CFAP299: variants seen among roughly 807,000 people sequenced by gnomAD.
CFAP299 encodes the protein cilia- and flagella-associated protein 299.
A neutral mutation model predicts 27.0 loss-of-function variants in CFAP299; 21 were observed. The ratio of observed to expected loss-of-function variants is 0.78; its 90% CI spans 0.55 to 1.12. The LOEUF is 1.12. Ranked by LOEUF, CFAP299 falls within the 50% of genes most tolerant of loss-of-function variation. The pLI, the probability that CFAP299 is intolerant of heterozygous loss-of-function variation, is 0.00. For missense variants in CFAP299, 310 were observed against 276.6 expected (o/e 1.12, Z -0.86); for synonymous variants, 104 against 98.1 (o/e 1.06, Z -0.36).
At chr4:80,665,440 T>C (rs1205227660) in intron 3 of CFAP299, among the ~76,000 whole-genome samples, 1 of 152,212 alleles carries the variant, frequency 6.6e-6, no homozygotes, top group Non-Finnish European at 1.5e-5. Flanking sequence ...TAACTTTTCA[T>C]TAGTTTTCAC....
chr4:80,874,305 G>T (rs551398610), intron 4 of CFAP299, among the ~76,000 whole-genome samples: 2 of 152,268 alleles, frequency 1.3e-5, no homozygotes, highest in Admixed American at 1.3e-4. Context: ...ACTAACTAAA[G>T]GAGACTTGCC....
At chr4:80,801,647 G>A (rs977372690) in intron 3 of CFAP299, among the ~76,000 whole-genome samples, 2 of 151,992 alleles carry the variant, frequency 1.3e-5, no homozygotes, top group South Asian at 2.1e-4. Flanking sequence ...TGAGTCAATC[G>A]TATTCCACTT....
At chr4:80,552,947 T>G (rs1336568198) in intron 2 of CFAP299, among the ~76,000 whole-genome samples, 2 of 152,110 alleles carry the variant, frequency 1.3e-5, no homozygotes, top group African/African-American at 4.8e-5. Flanking sequence ...CTTGGCCTCC[T>G]TAAGTGCTGA....
intron 3 of CFAP299, among the ~76,000 whole-genome samples, chr4:80,860,629 CA>C (rs1403624730): frequency 4.6e-5 from 7 of 152,200 alleles, no homozygotes; most frequent in Non-Finnish European, 7.3e-5. Flanking sequence ...TTCTAACAGA[CA>C]GAACCTTCAG....
At chr4:80,365,274 A>G (rs1723770639) in intron 2 of CFAP299, among the ~76,000 whole-genome samples, 2 of 152,150 alleles carry the variant, frequency 1.3e-5, no homozygotes, top group African/African-American at 4.8e-5. Context: ...TTGACTTTTT[A>G]ATAATCACCA....
chr4:80,457,383 T>C (rs145108012), intron 2 of CFAP299, among the ~76,000 whole-genome samples: 5 of 152,262 alleles, frequency 3.3e-5, no homozygotes, highest in African/African-American at 1.2e-4. Flanking sequence ...TATCATGTTA[T>C]GTTATGGAGG....
In CFAP299 at chr4:80,956,825, A is replaced by G. The variant is rs573115061; in HGVS notation, c.607-6692A>G. On this transcript the variant is annotated intron_variant, in intron 5 of 5. Coordinates refer to ENST00000358105, the MANE Select transcript of CFAP299 (RefSeq NM_152770.3). ...AATGGGAATTTTAAAATAAATTTTT[A>G]AAGTATTCTATGTGTAGAGGGTAGA... is the stretch of plus-strand genomic sequence containing the variant. Among the ~76,000 whole-genome samples, 73 of 152,246 alleles carry G rather than the reference A, an allele frequency of 4.8e-4. 1 individual carries two copies. The highest frequency in any genetic ancestry group is 3.4e-3 in the Middle Eastern group (1 of 294).
At chr4:80,645,069 T>C (rs1739932629) in intron 3 of CFAP299, among the ~76,000 whole-genome samples, 1 of 152,118 alleles carries the variant, frequency 6.6e-6, no homozygotes, top group African/African-American at 2.4e-5. Flanking sequence ...TCAGAGTACC[T>C]TACTTTAAGG....
At chr4:80,637,925 T>C (rs1739530394) in intron 3 of CFAP299, among the ~76,000 whole-genome samples, 1 of 152,218 alleles carries the variant, frequency 6.6e-6, no homozygotes, top group South Asian at 2.1e-4. Flanking sequence ...AAGTTGACTA[T>C]CCTAAAATAT....
intron 1 of CFAP299, among the ~76,000 whole-genome samples, chr4:80,343,665 T>A (rs980310420): frequency 6.6e-6 from 1 of 151,582 alleles, no homozygotes; most frequent in African/African-American, 2.4e-5. Flanking sequence ...GGCGGGCGCC[T>A]GTAGTCCCAG....
At chr4:80,559,361 C>A (rs959714021) in intron 2 of CFAP299, among the ~76,000 whole-genome samples, 6 of 151,340 alleles carry the variant, frequency 4.0e-5, no homozygotes, top group African/African-American at 1.5e-4. Context: ...GATTGTACTT[C>A]TTGATGCAGG....
intron 1 of CFAP299, among the ~76,000 whole-genome samples, chr4:80,350,465 C>G (rs1722960807): frequency 6.6e-6 from 1 of 152,154 alleles, no homozygotes; most frequent in Non-Finnish European, 1.5e-5. Context: ...AATCATTCTA[C>G]TATAAAGACA....
At chr4:80,767,423 C>T (rs911421418) in intron 3 of CFAP299, among the ~76,000 whole-genome samples, 6 of 152,034 alleles carry the variant, frequency 3.9e-5, no homozygotes, top group Non-Finnish European at 7.4e-5. Context: ...TCCTGGCTAA[C>T]ATGGTGAAAC....
intron 2 of CFAP299, among the ~76,000 whole-genome samples, chr4:80,569,183 T>C (rs1578612412): frequency 1.3e-5 from 2 of 152,204 alleles, no homozygotes; most frequent in Admixed American, 6.6e-5. Flanking sequence ...TCCATTATAC[T>C]CTCTCCCCTT....
At chr4:80,410,709 T>C (rs1189324262) in intron 2 of CFAP299, among the ~76,000 whole-genome samples, 1 of 152,234 alleles carries the variant, frequency 6.6e-6, no homozygotes, top group Non-Finnish European at 1.5e-5. Context: ...AAGCATTGCA[T>C]TAATTATCTC....
chr4:80,552,106 C>T (rs925417758), intron 2 of CFAP299, among the ~76,000 whole-genome samples: 1 of 152,042 alleles, frequency 6.6e-6, no homozygotes, highest in Non-Finnish European at 1.5e-5. Flanking sequence ...GCATTCTATG[C>T]CTTTGAATTA....
chr4:80,674,521 A>T (rs1719277255), intron 3 of CFAP299, among the ~76,000 whole-genome samples: 1 of 151,802 alleles, frequency 6.6e-6, no homozygotes, highest in African/African-American at 2.4e-5. Context: ...CTTCTCGAGG[A>T]GTATCTTTGT....
intron 4 of CFAP299, among the ~76,000 whole-genome samples, chr4:80,916,840 T>G (rs1050759121): frequency 2.0e-5 from 3 of 152,054 alleles, no homozygotes; most frequent in African/African-American, 7.2e-5. Context: ...GAAATGGTGA[T>G]ATATACAGGG....
chr4:80,376,502 A>G (rs971004623), intron 2 of CFAP299, among the ~76,000 whole-genome samples: 2 of 152,158 alleles, frequency 1.3e-5, no homozygotes, highest in Admixed American at 6.5e-5. Flanking sequence ...TTGTTTGCAA[A>G]GTGTCTGTAT....
Sources: gnomAD v4.1 joint callset for allele counts (sites outside exome capture counted in the v4.1 genomes callset) on GRCh38, gnomAD v4.1.1 for gene constraint, MANE v1.5 for transcripts, NCBI Gene and HGNC (gene_info 2026-07-23, HGNC 2026-07-21) for gene names.